The following GATA3 variants were observed in gnomAD, a reference collection of about 807,000 sequenced individuals.
GATA3 encodes GATA binding protein 3, also known as trans-acting T-cell-specific transcription factor GATA-3.
Under a neutral mutation model 36.0 loss-of-function variants are expected in GATA3, and 6 were observed. The ratio of observed to expected loss-of-function variants is 0.17; its 90% confidence interval spans 0.09 to 0.33. GATA3 has a LOEUF of 0.33. Ranked by LOEUF, GATA3 falls within the 10% of genes least tolerant of loss-of-function variation. The pLI, the probability that GATA3 is intolerant of heterozygous loss-of-function variation, is 1.00. For synonymous variants in GATA3, 326 were observed against 273.0 expected, an observed-to-expected ratio of 1.19 and a Z score of -1.92; for missense variants, 514 against 610.1, an observed-to-expected ratio of 0.84 and a Z score of 1.66.
chr10:8,065,063 A>G (rs935792048), intron 4 of GATA3, among the ~76,000 whole-genome samples: 1 of 152,152 alleles, frequency 6.6e-6, no homozygotes, highest in African/African-American at 2.4e-5. Flanking sequence ...TGGTGCTGAC[A>G]TTCACCAAGT....
intron 5 of GATA3, among the ~76,000 whole-genome samples, chr10:8,071,226 C>T (rs764425938): frequency 3.3e-5 from 5 of 152,222 alleles, no homozygotes; most frequent in African/African-American, 7.2e-5. Context: ...CACAAGGTAA[C>T]GTGGCTGAGA....
At position 8,074,399 on chromosome 10, in the gene GATA3, G is replaced by A. The variant is rs1832982085; in HGVS notation, c.*376G>A. 1.1e-5 allele frequency: 3 copies of A among 264,074 alleles called. No homozygotes were observed. The highest frequency in any genetic ancestry group is 2.2e-5 in the African/African-American group (1 of 46,268). The allele number at this position is 264,074 out of a possible 1,614,324, so 16.4% of individuals were successfully genotyped here. On this transcript the variant is annotated 3_prime_UTR_variant, in exon 6 of 6. Coordinates refer to ENST00000379328, the MANE Select transcript of GATA3 (RefSeq NM_001002295.2). ...GCCAAGAAGTTTAAGGAATATGGGA[G>A]AAATAGTGTGGAAATTAAGAAGAAA...
chr10:8,057,217 T>C (rs1245709125), intron 2 of GATA3, among the ~76,000 whole-genome samples: 2 of 152,192 alleles, frequency 1.3e-5, no homozygotes, highest in African/African-American at 2.4e-5. Context: ...TCCTCTCCCT[T>C]AAGATTTTAG....
At chr10:8,057,730 T>A (rs1432035784) in intron 2 of GATA3, among the ~76,000 whole-genome samples, 1 of 152,184 alleles carries the variant, frequency 6.6e-6, no homozygotes, top group Non-Finnish European at 1.5e-5. Flanking sequence ...GAAAGTCTCC[T>A]GACTTCTGTC....
chr10:8,072,943 G>A (rs748823321), intron 5 of GATA3, among the ~76,000 whole-genome samples: 2 of 151,956 alleles, frequency 1.3e-5, no homozygotes, highest in Admixed American at 6.6e-5. Context: ...TCGGGAGTTC[G>A]AGACCAGCCT....
intron 1 of GATA3, chr10:8,045,557 C>CG (rs1447346414): frequency 6.6e-6 from 1 of 152,448 alleles, no homozygotes; most frequent in East Asian, 1.9e-4. Flanking sequence ...CTCCGCACTC[C>CG]CTCTGCCCGC....
chr10:8,046,610 A>T (rs1832390831), intron 1 of GATA3, among the ~76,000 whole-genome samples: 1 of 150,986 alleles, frequency 6.6e-6, no homozygotes, highest in Admixed American at 6.6e-5. Context: ...CCATCCAGGC[A>T]TCTGTAAATG....
chr10:8,074,682 C>T lies in GATA3; in HGVS notation c.*659C>T, dbSNP rs535373567. 4.3e-6 allele frequency: 1 copy of T among 233,598 alleles called. No homozygotes were observed. Among genetic ancestry groups the T allele is most frequent in the Non-Finnish European group, 8.5e-6 (1 of 118,096 alleles). 14.5% of individuals were successfully genotyped at this position (233,598 alleles called of 1,614,324 possible). A position where few individuals can be genotyped will look rare whatever the true frequency, so the allele number is the denominator to read the frequency against. ...TTTCTAGGCCTACATGCTTTGTGAA[C>T]AAGTCCCTGTAATTGTTGTTTGTAT... On this transcript the variant is annotated 3_prime_UTR_variant, in exon 6 of 6. Transcript: ENST00000379328.
At chr10:8,045,343 C>CAG (rs1832374719), upstream of GATA3, 1 of 152,472 alleles carries the variant, frequency 6.6e-6, no homozygotes, top group Non-Finnish European at 1.5e-5. Context: ...GTACATCGCC[C>CAG]AGGTTTTACC....
upstream of GATA3, chr10:8,054,677 C>T (rs537962702): frequency 1.3e-5 from 2 of 151,352 alleles, no homozygotes; most frequent in East Asian, 2.0e-4. The surrounding 1 kb of genome is among the most constrained non-coding windows in gnomAD (Gnocchi z 4.2). Context: ...CGTCGCGCCA[C>T]AGCTGTCTGC....
chr10:8,066,445 TC>T, intron 4 of GATA3, among the ~76,000 whole-genome samples: 1 of 146,366 alleles, frequency 6.8e-6, no homozygotes, highest in East Asian at 2.1e-4. Context: ...TTTCTTTCTT[TC>T]TTTCTTTTTT....
chr10:8,049,196 C>T (rs562907555), upstream of GATA3, among the ~76,000 whole-genome samples: 1 of 150,572 alleles, frequency 6.6e-6, no homozygotes, highest in South Asian at 2.1e-4. Flanking sequence ...TAGCTCATTT[C>T]ACGGGGAAGG....
intron 3 of GATA3, among the ~76,000 whole-genome samples, chr10:8,059,590 A>C (rs1336318658): frequency 1.3e-5 from 2 of 152,190 alleles, no homozygotes; most frequent in Non-Finnish European, 2.9e-5. Flanking sequence ...CAGCCAGAGG[A>C]GGTAGAAAGG....
upstream of GATA3, chr10:8,050,983 G>T (rs1279426248): frequency 4.0e-6 from 2 of 493,898 alleles, no homozygotes; most frequent in South Asian, 3.0e-5. Context: ...AGCGCCGGTT[G>T]CCTGGCTCTG....
chr10:8,057,612 A>T (rs1832662567), intron 2 of GATA3, among the ~76,000 whole-genome samples: 1 of 152,188 alleles, frequency 6.6e-6, no homozygotes, highest in Non-Finnish European at 1.5e-5. Flanking sequence ...AACTTTCTCC[A>T]ACAGCCCGAG....
Position 8,074,278 on chromosome 10 carries a change from G to GAAAAA in GATA3, c.*261_*265dup. On this transcript the variant is annotated 3_prime_UTR_variant, in exon 6 of 6. Coordinates refer to ENST00000379328, the MANE Select transcript of GATA3 (RefSeq NM_001002295.2). ...TATTTAACAGGGTCTCTAGTGCTGT[G>GAAAAA]AAAAAAAAAATGCTGAACATTGCAT... The GAAAAA allele has an allele frequency of 2.5e-6, 1 of 392,940 alleles. No individual in the cohort carries two copies. Among genetic ancestry groups the GAAAAA allele is most frequent in the Non-Finnish European group, 4.5e-6 (1 of 221,038 alleles). 24.3% of individuals were successfully genotyped at this position (392,940 alleles called of 1,614,324 possible).
Position 8,055,623 on chromosome 10 carries a change from GC to G in GATA3, c.-30del. The G allele has an allele frequency of 6.5e-7, 1 of 1,542,088 alleles. No homozygotes were observed. Among genetic ancestry groups the G allele is most frequent in the Non-Finnish European group, 8.7e-7 (1 of 1,146,266 alleles). ...CTCCCTCCCCGCGCGCGGGTTCCGG[GC>G]CCGGCGAGAGGGCGCGAGCACAGCC... On this transcript the variant is annotated 5_prime_UTR_variant, in exon 2 of 6. Coordinates refer to ENST00000379328, the MANE Select transcript of GATA3 (RefSeq NM_001002295.2). The surrounding 1 kb of genome is among the most constrained non-coding windows in gnomAD (Gnocchi z 5.4).
chr10:8,069,417 G>T (rs2131511189), intron 4 of GATA3, 56 bp from the exon 5 acceptor site: 22 of 1,485,146 alleles, frequency 1.5e-5, no homozygotes, highest in East Asian at 2.3e-5. Flanking sequence ...TCATAGTGAT[G>T]ACAACACATT....
chr10:8,072,987 A>T (rs1832954535), intron 5 of GATA3, among the ~76,000 whole-genome samples: 1 of 152,020 alleles, frequency 6.6e-6, no homozygotes, highest in South Asian at 2.1e-4. Context: ...TCTACTAAAA[A>T]TACAAAAATT....
Sources: gnomAD v4.1 joint callset for allele counts (sites outside exome capture counted in the v4.1 genomes callset) on GRCh38, gnomAD v4.1.1 for gene constraint, Gnocchi (gnomAD v3.1) non-coding constraint, MANE v1.5 for transcripts, NCBI Gene and HGNC (gene_info 2026-07-23, HGNC 2026-07-21) for gene names.